The following NPAS3 variants were observed in gnomAD, a reference collection of about 807,000 sequenced individuals.
NPAS3 encodes the protein neuronal PAS domain protein 3.
NPAS3 carries 14 observed loss-of-function variants against 73.1 expected under a neutral mutation model. That is an observed-to-expected ratio of 0.19 (90% CI 0.13 to 0.30). NPAS3 has a LOEUF of 0.30. Ranked by LOEUF, NPAS3 falls within the 10% of genes least tolerant of loss-of-function variation. NPAS3 has a pLI of 1.00. For synonymous variants in NPAS3, 620 were observed against 541.5 expected, an observed-to-expected ratio of 1.14 and a Z score of -2.01; for missense variants, 1,096 against 1,250.0, an observed-to-expected ratio of 0.88 and a Z score of 1.86.
At chr14:33,571,186 C>G (rs1464865369) in intron 5 of NPAS3, among the ~76,000 whole-genome samples, 1 of 152,138 alleles carries the variant, frequency 6.6e-6, no homozygotes, top group African/African-American at 2.4e-5. Context: ...GGACTGGGAT[C>G]CAGGAGACCT....
At chr14:33,351,907 G>A (rs2045079739) in intron 3 of NPAS3, among the ~76,000 whole-genome samples, 1 of 152,068 alleles carries the variant, frequency 6.6e-6, no homozygotes. Flanking sequence ...GTGGGTGGGG[G>A]GCTAAGGGAG....
At chr14:33,540,858 T>C (rs889950738) in intron 4 of NPAS3, among the ~76,000 whole-genome samples, 2 of 152,152 alleles carry the variant, frequency 1.3e-5, no homozygotes, top group Admixed American at 6.5e-5. Flanking sequence ...GGACACCACT[T>C]TCAAGCTAAA....
chr14:33,582,970 GTTT>G lies in NPAS3; in HGVS notation c.558+22774_558+22776del, dbSNP rs55885070. Among the ~76,000 whole-genome samples, 4 of 93,294 alleles carry G rather than the reference GTTT, an allele frequency of 4.3e-5. 1 individual carries two copies. The highest frequency in any genetic ancestry group is 6.9e-4 in the South Asian group (2 of 2,880). 61.2% of individuals were successfully genotyped at this position (93,294 alleles called of 152,430 possible). ...TCCTTTGGACCTAGATATTTAAAGG[GTTT>G]TTTTTTTTTTTTTGGCTACTGGTTT... On this transcript the variant is annotated intron_variant, in intron 5 of 11. Coordinates refer to ENST00000356141, the Ensembl canonical transcript of NPAS3.
chr14:33,086,116 T>C (rs2042017463), intron 2 of NPAS3, among the ~76,000 whole-genome samples: 2 of 152,234 alleles, frequency 1.3e-5, no homozygotes, highest in Admixed American at 1.3e-4. Context: ...CATGTCATTA[T>C]ATGTTAAAAA....
At chr14:33,221,548 G>A (rs184765797) in intron 3 of NPAS3, among the ~76,000 whole-genome samples, 2,272 of 152,220 alleles carry the variant, frequency 0.015, 25 homozygotes, top group Middle Eastern at 0.061. Context: ...GATTCCTTGA[G>A]CCCAGGAGTT....
intron 1 of NPAS3, among the ~76,000 whole-genome samples, chr14:33,017,909 C>G (rs2039452765): frequency 1.3e-5 from 2 of 152,178 alleles, no homozygotes; most frequent in East Asian, 3.9e-4. Context: ...ATGTAAAGTT[C>G]ATAACATTTG....
At chr14:33,530,789 A>G (rs898027628) in intron 4 of NPAS3, among the ~76,000 whole-genome samples, 3 of 151,572 alleles carry the variant, frequency 2.0e-5, no homozygotes, top group African/African-American at 7.3e-5. Flanking sequence ...GGAGGGTGGG[A>G]AAAGGAGAGG....
chr14:32,936,350 C>T (rs1052851897), upstream of NPAS3, among the ~76,000 whole-genome samples: 1 of 151,146 alleles, frequency 6.6e-6, no homozygotes, highest in Admixed American at 6.6e-5. Flanking sequence ...CAAAAAGGGG[C>T]TATTCCTTGT....
At chr14:32,936,304 GTT>G (rs34612468), upstream of NPAS3, among the ~76,000 whole-genome samples, 202 of 145,258 alleles carry the variant, frequency 1.4e-3, no homozygotes, top group African/African-American at 2.2e-3. Flanking sequence ...ACTGTCTGAA[GTT>G]TTTTTTTTTT....
chr14:33,176,219 A>G (rs2045584825), intron 2 of NPAS3, among the ~76,000 whole-genome samples: 1 of 152,222 alleles, frequency 6.6e-6, no homozygotes, highest in Non-Finnish European at 1.5e-5. Context: ...TTATTGTGGT[A>G]AAGATACATA....
At chr14:33,793,348 G>A (rs565912305) in intron 9 of NPAS3, among the ~76,000 whole-genome samples, 1 of 152,300 alleles carries the variant, frequency 6.6e-6, no homozygotes, top group East Asian at 1.9e-4. Context: ...ACTGACCAGT[G>A]TAAATTTAGT....
At chr14:33,237,574 C>A (rs753079927) in intron 3 of NPAS3, among the ~76,000 whole-genome samples, 1 of 152,006 alleles carries the variant, frequency 6.6e-6, no homozygotes, top group East Asian at 1.9e-4. Flanking sequence ...TGCCCATAGG[C>A]TTTGCATAAC....
chr14:32,938,494 A>ATT (rs2035790552), upstream of NPAS3, among the ~76,000 whole-genome samples: 1 of 103,636 alleles, frequency 9.6e-6, no homozygotes, highest in South Asian at 3.5e-4. Context: ...ATTGAGAGAG[A>ATT]GAGAGAGAGA....
chr14:33,743,875 G>A (rs934307469), intron 7 of NPAS3, among the ~76,000 whole-genome samples: 1 of 152,174 alleles, frequency 6.6e-6, no homozygotes, highest in Non-Finnish European at 1.5e-5. Flanking sequence ...TCATGAATCA[G>A]CCTCTGCTAG....
chr14:33,427,431 A>G (rs988597803), intron 4 of NPAS3, among the ~76,000 whole-genome samples: 27 of 151,878 alleles, frequency 1.8e-4, no homozygotes, highest in African/African-American at 6.3e-4. Context: ...TTCCACAACC[A>G]GAAAGGCATT....
chr14:33,477,218 G>A (rs1696842073), intron 4 of NPAS3, among the ~76,000 whole-genome samples: 1 of 152,106 alleles, frequency 6.6e-6, no homozygotes, highest in Non-Finnish European at 1.5e-5. Context: ...GGGGGTAGGG[G>A]TGGAAAGAGA....
intron 5 of NPAS3, among the ~76,000 whole-genome samples, chr14:33,662,524 A>G (rs144073726): frequency 0.018 from 2,740 of 152,344 alleles, 76 homozygotes; most frequent in African/African-American, 0.062. Flanking sequence ...CATTGAATCT[A>G]TAAATTACCT....
chr14:33,163,806 G>A (rs538473100), intron 2 of NPAS3, among the ~76,000 whole-genome samples: 26 of 152,166 alleles, frequency 1.7e-4, no homozygotes, highest in Middle Eastern at 3.4e-3. Context: ...ATTCCAGGCC[G>A]AATGTGCCAG....
At chr14:33,405,115 C>T (rs1594847160) in intron 4 of NPAS3, among the ~76,000 whole-genome samples, 2 of 152,118 alleles carry the variant, frequency 1.3e-5, no homozygotes, top group Admixed American at 1.3e-4. Context: ...TTGTTGGCTG[C>T]CTGCTTTACT....
Sources: gnomAD v4.1 joint callset for allele counts (sites outside exome capture counted in the v4.1 genomes callset) on GRCh38, gnomAD v4.1.1 for gene constraint, MANE v1.5 for transcripts, NCBI Gene and HGNC (gene_info 2026-07-23, HGNC 2026-07-21) for gene names.